MALRD1: variants seen among roughly 807,000 people sequenced by gnomAD.
MALRD1 encodes the protein MAM and LDL-receptor class A domain-containing protein 1.
Under a neutral mutation model 242.1 loss-of-function variants are expected in MALRD1, and 247 were observed. The ratio of observed to expected loss-of-function variants is 1.02; its 90% CI spans 0.92 to 1.13. MALRD1 has a LOEUF of 1.13. Ranked by LOEUF, MALRD1 falls within the 50% of genes most tolerant of loss-of-function variation. The pLI, the probability that MALRD1 is intolerant of heterozygous loss-of-function variation, is 0.00. For missense variants in MALRD1, 2,989 were observed against 2,533.1 expected (o/e 1.18, Z -3.86); for synonymous variants, 995 against 866.6 (o/e 1.15, Z -2.60).
chr10:19,370,494 G>GT (rs931270348), intron 26 of MALRD1, among the ~76,000 whole-genome samples: 2 of 151,904 alleles, frequency 1.3e-5, no homozygotes, highest in East Asian at 1.9e-4. Flanking sequence ...AGTCATACTG[G>GT]TTTTTTTGCT....
At chr10:19,158,581 C>G (rs1245026779) in intron 12 of MALRD1, among the ~76,000 whole-genome samples, 3 of 152,172 alleles carry the variant, frequency 2.0e-5, no homozygotes, top group African/African-American at 7.2e-5. Flanking sequence ...TCTTCTGAGA[C>G]TTCTCCCAAG....
intron 10 of MALRD1, among the ~76,000 whole-genome samples, chr10:19,143,985 A>C (rs1833637812): frequency 6.6e-6 from 1 of 152,304 alleles, no homozygotes; most frequent in Admixed American, 6.5e-5. Context: ...ATATCCTATA[A>C]ATTATGTAGA....
rs575547994 is a variant in MALRD1 at position 19,380,902 on chromosome 10, C to T, written c.4442-6626C>T. On this transcript the variant is annotated intron_variant, in intron 26 of 39. Coordinates refer to ENST00000454679, the MANE Select transcript of MALRD1 (RefSeq NM_001142308.3). ...TTTCTTTCTAAAGAACGTTCTGTAG[C>T]AATTTCTTTTCTTTTTTTTTTTATA... 5.9e-5 allele frequency among the ~76,000 whole-genome samples: 5 copies of T among 84,932 alleles called. No individual in the cohort carries two copies. The East Asian group carries it at 1.6e-3, about 27-fold the overall frequency. 55.7% of individuals were successfully genotyped at this position (84,932 alleles called of 152,430 possible). A position where few individuals can be genotyped will look rare whatever the true frequency, so the allele number is the denominator to read the frequency against.
At chr10:19,713,572 G>A (rs979608399) in intron 38 of MALRD1, among the ~76,000 whole-genome samples, 1 of 152,188 alleles carries the variant, frequency 6.6e-6, no homozygotes, top group Non-Finnish European at 1.5e-5. Flanking sequence ...AAATATTTAA[G>A]AAGCAAGTTG....
At chr10:19,713,174 A>T (rs1165925590) in intron 38 of MALRD1, among the ~76,000 whole-genome samples, 1 of 152,128 alleles carries the variant, frequency 6.6e-6, no homozygotes, top group Non-Finnish European at 1.5e-5. Flanking sequence ...CCACACATTA[A>T]AAAAAGAAAC....
intron 33 of MALRD1, 89 bp from the exon 34 acceptor site, chr10:19,595,105 A>G (rs1838011363): frequency 7.8e-7 from 1 of 1,274,320 alleles, no homozygotes; most frequent in Non-Finnish European, 1.1e-6. Flanking sequence ...TTCATTTTAT[A>G]CAATAAGAAA....
chr10:19,347,356 A>G (rs1261646353), intron 24 of MALRD1, among the ~76,000 whole-genome samples: 7 of 152,188 alleles, frequency 4.6e-5, no homozygotes, highest in Non-Finnish European at 7.4e-5. Flanking sequence ...AAAAATAACT[A>G]CTATGATAAA....
chr10:19,612,870 C>T (rs187554938), intron 35 of MALRD1, among the ~76,000 whole-genome samples: 23 of 152,080 alleles, frequency 1.5e-4, no homozygotes, highest in African/African-American at 5.1e-4. Flanking sequence ...ATGATCCAGT[C>T]ACCTCCCACT....
intron 38 of MALRD1, among the ~76,000 whole-genome samples, chr10:19,718,897 T>G (rs1379976709): frequency 6.6e-6 from 1 of 151,796 alleles, no homozygotes; most frequent in Non-Finnish European, 1.5e-5. Context: ...CCAGGCATGG[T>G]GGCTCATGCC....
At chr10:19,239,440 C>G (rs889520368) in intron 18 of MALRD1, among the ~76,000 whole-genome samples, 3 of 152,232 alleles carry the variant, frequency 2.0e-5, no homozygotes, top group Non-Finnish European at 4.4e-5. Context: ...GTATCCCATT[C>G]TGTAAGTTGT....
At position 19,280,098 on chromosome 10, in the gene MALRD1, C is replaced by T; in HGVS notation, c.3131C>T (p.Thr1044Ile). ...PTPPETSVPV[T>I]LPPHNCTDNE... ...CCACCAGAAACGTCAGTTCCTGTAACATTACCTCCACACAACTGCACAGAC... is the reference window on the plus strand; with the variant it reads ...CCACCAGAAACGTCAGTTCCTGTAATATTACCTCCACACAACTGCACAGAC... Residue 1044 changes from threonine (T) to isoleucine (I), a missense_variant, in exon 20 of 40, where the codon ACA becomes ATA. Coordinates refer to ENST00000454679, the MANE Select transcript of MALRD1 (RefSeq NM_001142308.3). 6.5e-7 allele frequency: 1 copy of T among 1,537,590 alleles called. No individual in the cohort carries two copies. Among genetic ancestry groups the T allele is most frequent in the Non-Finnish European group, 8.8e-7 (1 of 1,142,214 alleles).
chr10:19,730,458 G>C, intron 38 of MALRD1: 1 of 519,876 alleles, frequency 1.9e-6, no homozygotes, highest in Non-Finnish European at 3.5e-6. Flanking sequence ...TCTTTTATTT[G>C]CCTGAGTTTA....
At position 19,607,769 on chromosome 10, in the gene MALRD1, T is replaced by A. The variant is rs904302688; in HGVS notation, c.5945-8T>A. On this transcript the variant is annotated splice_polypyrimidine_tract_variant and splice_region_variant and intron_variant, in intron 34 of 39. Coordinates refer to ENST00000454679, the MANE Select transcript of MALRD1 (RefSeq NM_001142308.3). ...GCATCCCTGATCATTATTCTTTTTT[T>A]TTTGCAGCCAACAAAAGCTGTTCTA... The A allele has an allele frequency of 3.7e-5, 57 of 1,544,878 alleles. No individual in the cohort carries two copies. The highest frequency in any genetic ancestry group is 4.8e-5 in the Non-Finnish European group (55 of 1,145,030).
intron 33 of MALRD1, among the ~76,000 whole-genome samples, chr10:19,574,393 A>C (rs184611922): frequency 6.6e-6 from 1 of 152,348 alleles, no homozygotes; most frequent in Admixed American, 6.5e-5. Context: ...AGTCACTATC[A>C]GATGAATTTA....
chr10:19,318,521 T>C (rs1389652097), intron 21 of MALRD1, among the ~76,000 whole-genome samples: 2 of 151,474 alleles, frequency 1.3e-5, no homozygotes, highest in Non-Finnish European at 2.9e-5. Flanking sequence ...TTAGGGTTTT[T>C]TTTTTTTATT....
chr10:19,151,045 T>A (rs1401516420), intron 11 of MALRD1, among the ~76,000 whole-genome samples: 2 of 152,178 alleles, frequency 1.3e-5, no homozygotes, highest in Non-Finnish European at 2.9e-5. Flanking sequence ...GTACTTCAAT[T>A]TTTAGTGACA....
At chr10:19,480,838 G>C (rs369958496) in intron 29 of MALRD1, among the ~76,000 whole-genome samples, 2 of 151,516 alleles carry the variant, frequency 1.3e-5, no homozygotes, top group Admixed American at 1.3e-4. Context: ...GCTTTTTTTT[G>C]GCGGTTGGGG....
intron 5 of MALRD1, among the ~76,000 whole-genome samples, chr10:19,113,912 G>T (rs1836781635): frequency 6.6e-6 from 1 of 151,870 alleles, no homozygotes; most frequent in Non-Finnish European, 1.5e-5. Context: ...TTCCTACCCT[G>T]TCTAATTCAT....
At chr10:19,403,820 G>C (rs765869112) in intron 28 of MALRD1, among the ~76,000 whole-genome samples, 7 of 152,026 alleles carry the variant, frequency 4.6e-5, no homozygotes, top group Admixed American at 6.6e-5. Flanking sequence ...TTTAGCGTTT[G>C]TTTCTAAGTT....
Sources: gnomAD v4.1 joint callset for allele counts (sites outside exome capture counted in the v4.1 genomes callset) on GRCh38, gnomAD v4.1.1 for gene constraint, MANE v1.5 for transcripts, NCBI Gene and HGNC (gene_info 2026-07-23, HGNC 2026-07-21) for gene names.